Variants in HDAC9 observed in about 807,000 individuals in gnomAD.
HDAC9 encodes the protein histone deacetylase 9.
HDAC9 carries 41 observed loss-of-function variants against 139.4 expected under a neutral mutation model. The observed-to-expected ratio is 0.29, with a 90% CI of 0.23 to 0.38. HDAC9 has a LOEUF of 0.38. HDAC9 is among the 10% of genes least tolerant of loss of function. The probability of loss-of-function intolerance (pLI) is 1.00; values close to 1 mark genes in which losing one functional copy is unlikely to be tolerated. For missense variants in HDAC9, 1,147 were observed against 1,297.0 expected, an observed-to-expected ratio of 0.88 and a Z score of 1.78; for synonymous variants, 517 against 476.2, an observed-to-expected ratio of 1.09 and a Z score of -1.12.
At chr7:18,236,833 A>G (rs1031077208) in intron 2 of HDAC9, among the ~76,000 whole-genome samples, 11 of 152,052 alleles carry the variant, frequency 7.2e-5, no homozygotes, top group African/African-American at 2.7e-4. Context: ...GGCACCATGG[A>G]CTCTGGCCCC....
At chr7:18,980,191 A>T (rs1784809185) in intron 25 of HDAC9, among the ~76,000 whole-genome samples, 1 of 152,122 alleles carries the variant, frequency 6.6e-6, no homozygotes. Flanking sequence ...GTGAAGTCTG[A>T]CTTAGAACAT....
At chr7:18,380,507 G>T (rs1211481486) in intron 1 of HDAC9, among the ~76,000 whole-genome samples, 1 of 152,172 alleles carries the variant, frequency 6.6e-6, no homozygotes, top group African/African-American at 2.4e-5. Flanking sequence ...AGGGTATTTG[G>T]TGAAACAGAA....
At chr7:18,704,316 G>T (rs938431986) in intron 12 of HDAC9, among the ~76,000 whole-genome samples, 1 of 152,164 alleles carries the variant, frequency 6.6e-6, no homozygotes, top group African/African-American at 2.4e-5. Context: ...GAGGATTTGG[G>T]ACTTTTCCTT....
intron 2 of HDAC9, among the ~76,000 whole-genome samples, chr7:18,181,052 G>T (rs545173301): frequency 6.6e-6 from 1 of 152,270 alleles, no homozygotes; most frequent in East Asian, 1.9e-4. Context: ...GGACCACCTG[G>T]ATAATCTGAG....
At chr7:18,215,121 A>G (rs1409682157) in intron 2 of HDAC9, among the ~76,000 whole-genome samples, 5 of 152,168 alleles carry the variant, frequency 3.3e-5, no homozygotes, top group African/African-American at 1.2e-4. Context: ...TAAATGGATT[A>G]TTCTATTCTA....
At chr7:18,890,686 A>C (rs1013508460) in intron 22 of HDAC9, among the ~76,000 whole-genome samples, 2 of 152,224 alleles carry the variant, frequency 1.3e-5, no homozygotes, top group African/African-American at 2.4e-5. Flanking sequence ...TACCACATCC[A>C]TTGTGGTCGA....
At chr7:18,280,487 C>T (rs927116252) in intron 2 of HDAC9, among the ~76,000 whole-genome samples, 1 of 151,902 alleles carries the variant, frequency 6.6e-6, no homozygotes, top group Non-Finnish European at 1.5e-5. Context: ...ACTCAGGAGG[C>T]TGAGGCAGGA....
At chr7:18,878,452 A>G (rs1470768541) in intron 22 of HDAC9, among the ~76,000 whole-genome samples, 4 of 152,198 alleles carry the variant, frequency 2.6e-5, no homozygotes, top group African/African-American at 4.8e-5. Context: ...TAAACATTTT[A>G]TAGTCCTTGA....
chr7:18,523,163 A>G (rs1412775003), intron 2 of HDAC9, among the ~76,000 whole-genome samples: 1 of 152,202 alleles, frequency 6.6e-6, no homozygotes, highest in African/African-American at 2.4e-5. Context: ...CAGGAGACAG[A>G]TGATTAAGGA....
intron 1 of HDAC9, among the ~76,000 whole-genome samples, chr7:18,432,854 G>C (rs181379885): frequency 5.9e-4 from 90 of 152,144 alleles, no homozygotes; most frequent in Admixed American, 2.8e-3. Context: ...GGGAGGCTGA[G>C]GCAGGAGAAT....
At chr7:18,430,231 G>A (rs1195307122) in intron 1 of HDAC9, among the ~76,000 whole-genome samples, 1 of 152,050 alleles carries the variant, frequency 6.6e-6, no homozygotes, top group Non-Finnish European at 1.5e-5. Context: ...GTAATTGAAT[G>A]ATTTTTTTTG....
At chr7:18,091,289 CTATT>C (rs978190511) in intron 1 of HDAC9, among the ~76,000 whole-genome samples, 6 of 152,192 alleles carry the variant, frequency 3.9e-5, no homozygotes, top group Admixed American at 3.9e-4. Context: ...AAACTACTAT[CTATT>C]GTTTGCTGCA....
intron 16 of HDAC9, among the ~76,000 whole-genome samples, chr7:18,775,269 A>C (rs1790661713): frequency 2.0e-5 from 3 of 152,130 alleles, no homozygotes; most frequent in Admixed American, 1.3e-4. Flanking sequence ...AAAATGTGAC[A>C]CAGAGACAGG....
chr7:18,216,396 A>G (rs1056740627), intron 2 of HDAC9, among the ~76,000 whole-genome samples: 2 of 152,078 alleles, frequency 1.3e-5, no homozygotes, highest in African/African-American at 4.8e-5. Context: ...TTTCTATCGT[A>G]TTGGTAAGAA....
chr7:18,890,004 C>CAA (rs532515741), intron 22 of HDAC9, among the ~76,000 whole-genome samples: 8 of 152,304 alleles, frequency 5.3e-5, no homozygotes, highest in Non-Finnish European at 8.8e-5. Context: ...CTGGCCACTG[C>CAA]CACTTTTCTA....
chr7:18,258,470 G>A (rs1795424303), intron 2 of HDAC9, among the ~76,000 whole-genome samples: 1 of 152,078 alleles, frequency 6.6e-6, no homozygotes, highest in Non-Finnish European at 1.5e-5. Flanking sequence ...GTAGTCTTTT[G>A]TCCCTTACCC....
chr7:18,804,646 A>G lies in HDAC9; in HGVS notation c.2322+11194A>G, dbSNP rs545573698. Among the ~76,000 whole-genome samples the G allele has an allele frequency of 1.6e-4, 24 of 152,304 alleles. No homozygotes were observed. In the South Asian group the frequency reaches 5.0e-3, roughly 32 times the overall value. ...TTGACTCCAATTATGACCAAATCCT[A>G]AACTGTGGACAATGGATATTTACCA... On this transcript the variant is annotated intron_variant, in intron 17 of 25. Coordinates refer to ENST00000686413, the MANE Select transcript of HDAC9 (RefSeq NM_178425.4).
intron 1 of HDAC9, among the ~76,000 whole-genome samples, chr7:18,422,740 ACG>A (rs146021680): frequency 0.16 from 23,576 of 144,128 alleles, 2,034 homozygotes; most frequent in African/African-American, 0.26. Context: ...AGACACACAC[ACG>A]CGCACACACA....
At position 18,644,688 on chromosome 7, in the gene HDAC9, A is replaced by G. The variant is rs947749586; in HGVS notation, c.930A>G (p.Gln310=). ...TPHAEQMVSQ[Q]RILIHEDSMN... is the part of the protein sequence containing the mutation. ...TTTAACAGCAAATGGTTTCACAGCA[A>G]CGCATTCTAATTCATGAAGATTCCA... The change falls in exon 9 of 26, where the codon CAA becomes CAG. Residue 310 remains glutamine, a synonymous_variant. Coordinates refer to ENST00000686413, the MANE Select transcript of HDAC9 (RefSeq NM_178425.4). The G allele has an allele frequency of 1.9e-6, 3 of 1,611,356 alleles. No individual in the cohort carries two copies. Among genetic ancestry groups the G allele is most frequent in the South Asian group, 2.2e-5 (2 of 90,756 alleles).
Sources: gnomAD v4.1 joint callset for allele counts (sites outside exome capture counted in the v4.1 genomes callset) on GRCh38, gnomAD v4.1.1 for gene constraint, MANE v1.5 for transcripts, NCBI Gene and HGNC (gene_info 2026-07-23, HGNC 2026-07-21) for gene names.